The following FER variants were observed in gnomAD, a reference collection of about 807,000 sequenced individuals.
FER encodes tyrosine-protein kinase Fer.
FER carries 63 observed loss-of-function variants against 111.0 expected under a neutral mutation model. The observed-to-expected ratio is 0.57, with a 90% CI of 0.46 to 0.70. The LOEUF (loss-of-function observed/expected upper bound fraction) is 0.70, where lower values mean the gene tolerates loss of function less well. Ranked by LOEUF, FER falls within the 30% of genes least tolerant of loss-of-function variation. The pLI, the probability that FER is intolerant of heterozygous loss-of-function variation, is 0.00. For synonymous variants in FER, 327 were observed against 313.9 expected (o/e 1.04, Z -0.44); for missense variants, 914 against 954.0 (o/e 0.96, Z 0.55).
At chr5:109,175,115 T>A (rs562564549) in intron 17 of FER, among the ~76,000 whole-genome samples, 1 of 152,214 alleles carries the variant, frequency 6.6e-6, no homozygotes, top group Non-Finnish European at 1.5e-5. Context: ...TTTATATTCA[T>A]GTGAAGAGAA....
chr5:108,848,184 T>A (rs999658424), intron 5 of FER, among the ~76,000 whole-genome samples: 7 of 152,176 alleles, frequency 4.6e-5, no homozygotes, highest in Non-Finnish European at 4.4e-5. Context: ...CTGACCTATC[T>A]ATATTCTTTT....
At chr5:109,140,229 A>G (rs1461447396) in intron 17 of FER, among the ~76,000 whole-genome samples, 1 of 152,252 alleles carries the variant, frequency 6.6e-6, no homozygotes, top group Non-Finnish European at 1.5e-5. Context: ...ACATTCCAGT[A>G]TAACAGAATT....
At chr5:109,126,442 A>G (rs1751739570) in intron 17 of FER, among the ~76,000 whole-genome samples, 1 of 152,222 alleles carries the variant, frequency 6.6e-6, no homozygotes, top group African/African-American at 2.4e-5. Flanking sequence ...TCTTGGAAGA[A>G]AAAGAATTTA....
At chr5:108,759,645 C>G (rs1453997791) in intron 1 of FER, among the ~76,000 whole-genome samples, 3 of 152,214 alleles carry the variant, frequency 2.0e-5, no homozygotes, top group Non-Finnish European at 2.9e-5. Context: ...TGAGGGCCTT[C>G]TTGCTGTGTC....
chr5:109,171,777 G>A (rs1757114703), intron 17 of FER, among the ~76,000 whole-genome samples: 1 of 152,120 alleles, frequency 6.6e-6, no homozygotes, highest in South Asian at 2.1e-4. Flanking sequence ...TCTGAGCCAG[G>A]TCCTTGTAGT....
At chr5:108,917,316 A>G (rs1013077390) in intron 10 of FER, among the ~76,000 whole-genome samples, 15 of 152,264 alleles carry the variant, frequency 9.9e-5, no homozygotes, top group African/African-American at 3.4e-4. Context: ...AAGATAGGCC[A>G]TGCTTTTAAG....
intron 11 of FER, among the ~76,000 whole-genome samples, chr5:108,953,730 G>A (rs1034301195): frequency 4.6e-5 from 7 of 151,900 alleles, no homozygotes; most frequent in Admixed American, 6.6e-5. Context: ...TTTGCCTTTC[G>A]TTTATTATTA....
chr5:109,113,906 G>A (rs1488146622), intron 17 of FER, among the ~76,000 whole-genome samples: 4 of 152,046 alleles, frequency 2.6e-5, no homozygotes, highest in Non-Finnish European at 5.9e-5. Context: ...CATTTAATAT[G>A]TAAGGGAAAA....
intron 13 of FER, among the ~76,000 whole-genome samples, chr5:108,964,833 T>A (rs1430458041): frequency 6.6e-6 from 1 of 152,158 alleles, no homozygotes; most frequent in Middle Eastern, 3.2e-3. Context: ...TCCATGTTTT[T>A]ATTTCTAAGA....
rs564145158 is a variant in FER at position 108,976,272 on chromosome 5, T to A, written c.1656+16925T>A. ...TGATAACTCATCTACTTCTCTTTCC[T>A]TTAGGATCTTTTCCTCCCTCTTCTC... is the stretch of plus-strand genomic sequence containing the variant. On this transcript the variant is annotated intron_variant, in intron 13 of 19. Transcript: ENST00000281092. Among the ~76,000 whole-genome samples, 3 of 152,346 alleles carry A rather than the reference T, an allele frequency of 2.0e-5. No homozygotes were observed. The East Asian group carries it at 5.8e-4, about 29-fold the overall frequency.
intron 1 of FER, among the ~76,000 whole-genome samples, chr5:108,750,915 G>A (rs927743594): frequency 6.6e-6 from 1 of 152,194 alleles, no homozygotes; most frequent in Admixed American, 6.5e-5. Flanking sequence ...GTATGTGGCC[G>A]GGCGCGGTGG....
chr5:109,114,509 G>C (rs549834129), intron 17 of FER, among the ~76,000 whole-genome samples: 145 of 151,806 alleles, frequency 9.6e-4, no homozygotes, highest in Non-Finnish European at 1.6e-3. Context: ...AAATGGATGA[G>C]AAAAAAAATG....
At chr5:109,144,328 G>A (rs1395529899) in intron 17 of FER, among the ~76,000 whole-genome samples, 2 of 152,080 alleles carry the variant, frequency 1.3e-5, no homozygotes, top group Non-Finnish European at 2.9e-5. Context: ...TACCAACTGG[G>A]AGTCAGTGAA....
At chr5:109,062,640 T>G (rs181305869) in intron 16 of FER, among the ~76,000 whole-genome samples, 1 of 152,120 alleles carries the variant, frequency 6.6e-6, no homozygotes, top group South Asian at 2.1e-4. Flanking sequence ...CAATGAAAGA[T>G]GCCGTGATGA....
chr5:108,754,842 CTT>C (rs1293088891), intron 1 of FER, among the ~76,000 whole-genome samples: 1 of 152,206 alleles, frequency 6.6e-6, no homozygotes, highest in Non-Finnish European at 1.5e-5. Context: ...TAAAAATGCT[CTT>C]TACATTGGCT....
At chr5:108,854,838 G>A (rs1561517856) in intron 5 of FER, among the ~76,000 whole-genome samples, 1 of 151,576 alleles carries the variant, frequency 6.6e-6, no homozygotes, top group South Asian at 2.1e-4. Flanking sequence ...CAGCTACTAG[G>A]GAGGCTGAGG....
chr5:108,906,655 A>G (rs1472486834), intron 10 of FER, among the ~76,000 whole-genome samples: 1 of 152,084 alleles, frequency 6.6e-6, no homozygotes, highest in Admixed American at 6.6e-5. Context: ...TTTATAAAAA[A>G]TAGTACATAA....
intron 1 of FER, among the ~76,000 whole-genome samples, chr5:108,753,391 T>C (rs1750717422): frequency 6.6e-6 from 1 of 152,164 alleles, no homozygotes; most frequent in African/African-American, 2.4e-5. Flanking sequence ...TCTTAGCTTA[T>C]TGTATCTCAG....
chr5:108,862,158 T>C (rs1380410888), intron 5 of FER, among the ~76,000 whole-genome samples: 2 of 152,216 alleles, frequency 1.3e-5, no homozygotes, highest in Non-Finnish European at 2.9e-5. Flanking sequence ...AGATTCTGCA[T>C]TGGATATTTC....
Sources: gnomAD v4.1 joint callset for allele counts (sites outside exome capture counted in the v4.1 genomes callset) on GRCh38, gnomAD v4.1.1 for gene constraint, MANE v1.5 for transcripts, NCBI Gene and HGNC (gene_info 2026-07-23, HGNC 2026-07-21) for gene names.